Variants in CADM2 observed in about 807,000 individuals in gnomAD.
CADM2 encodes immunoglobulin superfamily member 4D.
Under a neutral mutation model 49.8 loss-of-function variants are expected in CADM2, and 12 were observed. The observed-to-expected ratio is 0.24, with a 90% CI of 0.15 to 0.39. The LOEUF (loss-of-function observed/expected upper bound fraction) is 0.39. Among genes scored for constraint, CADM2 ranks in the 10% least tolerant of loss-of-function variants. The pLI is 1.00. For missense variants in CADM2, 378 were observed against 492.3 expected, an observed-to-expected ratio of 0.77 and a Z score of 2.20; for synonymous variants, 214 against 175.4, an observed-to-expected ratio of 1.22 and a Z score of -1.74.
chr3:85,757,265 G>T (rs73845640), intron 2 of CADM2, among the ~76,000 whole-genome samples: 7,721 of 152,080 alleles, frequency 0.051, 556 homozygotes, highest in African/African-American at 0.16. Flanking sequence ...GCTTGAAGAC[G>T]CGTATTTGTT....
rs149131095 is a variant in CADM2, at chr3:85,589,951, G to A, written c.62-136571G>A. Reference sequence around the variant, plus strand: ...TGGTTAACCAGGTAAAGAAATAGTGGTATTTCTATGACTAGGTATAAGCAA... The same window carrying A: ...TGGTTAACCAGGTAAAGAAATAGTGATATTTCTATGACTAGGTATAAGCAA... On this transcript the variant is annotated intron_variant, in intron 1 of 9. Transcript: ENST00000383699. Among the ~76,000 whole-genome samples, 34 of 152,020 alleles carry A rather than the reference G, an allele frequency of 2.2e-4. 1 individual carries two copies. Among genetic ancestry groups the A allele is most frequent in the Admixed American group, 1.8e-3 (28 of 15,224 alleles).
intron 1 of CADM2, among the ~76,000 whole-genome samples, chr3:85,632,378 A>G (rs1448935139): frequency 6.6e-6 from 1 of 152,088 alleles, no homozygotes; most frequent in African/African-American, 2.4e-5. Flanking sequence ...TGTCATTATC[A>G]GCAGTGTGAA....
chr3:85,740,112 C>T (rs545424074), intron 2 of CADM2, among the ~76,000 whole-genome samples: 6 of 152,270 alleles, frequency 3.9e-5, no homozygotes, highest in Admixed American at 3.9e-4. Context: ...AAATTAATTA[C>T]ATAGACATTC....
At chr3:85,663,741 C>G (rs1392014419) in intron 1 of CADM2, among the ~76,000 whole-genome samples, 2 of 151,996 alleles carry the variant, frequency 1.3e-5, no homozygotes, top group East Asian at 3.9e-4. Context: ...TTTCCCTCAT[C>G]TTAAAAAAAT....
intron 1 of CADM2, among the ~76,000 whole-genome samples, chr3:85,083,023 T>G (rs1388787179): frequency 6.6e-6 from 1 of 152,198 alleles, no homozygotes; most frequent in Non-Finnish European, 1.5e-5. Context: ...ATTTGGTTGA[T>G]TTTAGCCATC....
rs892677913 is a variant in CADM2, at chr3:86,067,336, G to A, written c.*553G>A. ...CATAAAATTAAAAAAAAACACTATAGTGTAGTTTTTGGAATGTTGGAGATT... is the reference window on the plus strand; with the variant it reads ...CATAAAATTAAAAAAAAACACTATAATGTAGTTTTTGGAATGTTGGAGATT... On this transcript the variant is annotated 3_prime_UTR_variant, in exon 10 of 10. Coordinates refer to ENST00000383699, the MANE Select transcript of CADM2 (RefSeq NM_001167675.2). 5.9e-5 allele frequency: 9 copies of A among 152,630 alleles called. No individual in the cohort carries two copies. The highest frequency in any genetic ancestry group is 1.9e-4 in the African/African-American group (8 of 41,428). The allele number at this position is 152,630 out of a possible 1,614,324, so 9.5% of individuals were successfully genotyped here.
At chr3:85,333,712 C>T (rs2045000668) in intron 1 of CADM2, among the ~76,000 whole-genome samples, 1 of 151,766 alleles carries the variant, frequency 6.6e-6, no homozygotes, top group South Asian at 2.1e-4. Context: ...AGATTAGAAG[C>T]TCAAATTCAA....
intron 8 of CADM2, among the ~76,000 whole-genome samples, chr3:86,055,612 G>A (rs2107354673): frequency 6.6e-6 from 1 of 151,920 alleles, no homozygotes; most frequent in South Asian, 2.1e-4. Flanking sequence ...GATTACAAGG[G>A]CATGCCACCA....
At chr3:85,288,787 C>A (rs113437068) in intron 1 of CADM2, among the ~76,000 whole-genome samples, 2 of 107,332 alleles carry the variant, frequency 1.9e-5, no homozygotes, top group Non-Finnish European at 3.6e-5. Flanking sequence ...CCAATATGCC[C>A]CCCCCCCCTC....
At chr3:85,790,672 T>A in intron 2 of CADM2, among the ~76,000 whole-genome samples, 1 of 152,260 alleles carries the variant, frequency 6.6e-6, no homozygotes, top group Admixed American at 6.5e-5. Context: ...AACGCTAGGA[T>A]TCGGTCTACG....
chr3:85,990,411 G>A (rs1399233396), intron 8 of CADM2, among the ~76,000 whole-genome samples: 2 of 152,036 alleles, frequency 1.3e-5, no homozygotes, highest in South Asian at 2.1e-4. Flanking sequence ...ATACATTTTT[G>A]ACTTATATTT....
intron 1 of CADM2, among the ~76,000 whole-genome samples, chr3:85,670,266 T>G (rs898738468): frequency 6.6e-6 from 1 of 152,184 alleles, no homozygotes; most frequent in African/African-American, 2.4e-5. Context: ...AAAATGAAGC[T>G]ATATTGTTTT....
chr3:85,846,731 G>A (rs1672105221), intron 3 of CADM2, among the ~76,000 whole-genome samples: 1 of 151,978 alleles, frequency 6.6e-6, no homozygotes. Context: ...ATGTGGTGGT[G>A]CATGCCTGTA....
intron 1 of CADM2, among the ~76,000 whole-genome samples, chr3:85,337,846 A>G (rs1311767087): frequency 2.0e-5 from 3 of 151,510 alleles, no homozygotes; most frequent in African/African-American, 7.3e-5. Flanking sequence ...TCTTTGTCTT[A>G]TAGGTTCTAT....
chr3:85,530,805 A>G (rs746647586), intron 1 of CADM2, among the ~76,000 whole-genome samples: 1 of 151,828 alleles, frequency 6.6e-6, no homozygotes, highest in African/African-American at 2.4e-5. Context: ...GATTAAAAGA[A>G]AAGATTGTGT....
chr3:85,463,483 A>T (rs2038347869), intron 1 of CADM2, among the ~76,000 whole-genome samples: 1 of 152,136 alleles, frequency 6.6e-6, no homozygotes, highest in African/African-American at 2.4e-5. Flanking sequence ...GTCTGTTGAG[A>T]ATAAACTCAG....
chr3:85,533,031 C>G (rs184433675), intron 1 of CADM2, among the ~76,000 whole-genome samples: 4 of 152,142 alleles, frequency 2.6e-5, no homozygotes, highest in East Asian at 1.9e-4. Flanking sequence ...GGTAGTTGAT[C>G]AGGAAAAATA....
chr3:85,929,071 T>G (rs1720275843), intron 6 of CADM2, among the ~76,000 whole-genome samples: 1 of 152,112 alleles, frequency 6.6e-6, no homozygotes, highest in African/African-American at 2.4e-5. Context: ...TATTAATGCA[T>G]TTTTTCTAAC....
At position 86,043,574 on chromosome 3, in the gene CADM2, C is replaced by T. The variant is rs190598363; in HGVS notation, c.971-22031C>T. ...ACCACTGCTCAAGGAAATAAAAGAA[C>T]GGAAGAACATTCCATGCTCATGGGT... On this transcript the variant is annotated intron_variant, in intron 8 of 9. Transcript: ENST00000383699. Among the ~76,000 whole-genome samples, 61 of 148,212 alleles carry T rather than the reference C, an allele frequency of 4.1e-4. 1 individual carries two copies. The highest frequency in any genetic ancestry group is 1.1e-3 in the African/African-American group (47 of 40,980).
Sources: allele counts gnomAD v4.1 joint callset (sites outside exome capture counted in the v4.1 genomes callset), GRCh38; gene constraint gnomAD v4.1.1; transcripts MANE v1.5; gene names NCBI Gene and HGNC (gene_info 2026-07-23, HGNC 2026-07-21).